PPHLN1: variants seen among roughly 807,000 people sequenced by gnomAD.
The protein encoded by PPHLN1 is periphilin 1.
In PPHLN1, 29 loss-of-function variants were observed where a neutral mutation model predicts 51.3. The observed-to-expected ratio is 0.57, with a 90% CI of 0.42 to 0.77. The LOEUF is 0.77. Among genes scored for constraint, PPHLN1 ranks in the 30% least tolerant of loss-of-function variants. The pLI, the probability that PPHLN1 is intolerant of heterozygous loss-of-function variation, is 0.00. For missense variants in PPHLN1, 436 were observed against 438.4 expected, an observed-to-expected ratio of 0.99 and a Z score of 0.05; for synonymous variants, 147 against 147.8, an observed-to-expected ratio of 0.99 and a Z score of 0.04.
At chr12:42,416,014 A>G (rs2080348664) in intron 9 of PPHLN1, among the ~76,000 whole-genome samples, 1 of 152,232 alleles carries the variant, frequency 6.6e-6, no homozygotes, top group African/African-American at 2.4e-5. Flanking sequence ...AAATTCAGGT[A>G]GGATTCTCAT....
At chr12:42,334,748 G>A (rs1349686430) in intron 1 of PPHLN1, among the ~76,000 whole-genome samples, 1 of 152,148 alleles carries the variant, frequency 6.6e-6, no homozygotes, top group Non-Finnish European at 1.5e-5. Flanking sequence ...CATCAGGATG[G>A]TTCACAGTTC....
At chr12:42,443,537 T>C (rs1313435206), downstream of PPHLN1, 1 of 152,166 alleles carries the variant, frequency 6.6e-6, no homozygotes, top group African/African-American at 2.4e-5. Flanking sequence ...ATTTGATGAA[T>C]TATATAAACA....
intron 1 of PPHLN1, among the ~76,000 whole-genome samples, chr12:42,334,759 T>G (rs2070334391): frequency 6.6e-6 from 1 of 152,252 alleles, no homozygotes; most frequent in African/African-American, 2.4e-5. Context: ...TTCACAGTTC[T>G]TGGCTTAGAA....
downstream of PPHLN1, chr12:42,442,543 C>T: frequency 6.6e-7 from 1 of 1,521,004 alleles, no homozygotes; most frequent in Non-Finnish European, 8.9e-7. Context: ...ATCAGGACTG[C>T]ACTCTCTTTT....
At chr12:42,383,768 T>C (rs1215134386) in intron 5 of PPHLN1, among the ~76,000 whole-genome samples, 1 of 151,692 alleles carries the variant, frequency 6.6e-6, no homozygotes, top group Non-Finnish European at 1.5e-5. Context: ...ATCACGAGGT[T>C]AGGAGTTCAA....
chr12:42,340,951 G>A (rs189169472), intron 2 of PPHLN1, among the ~76,000 whole-genome samples: 1 of 150,862 alleles, frequency 6.6e-6, no homozygotes, highest in African/African-American at 2.4e-5. Context: ...CAATTTTACA[G>A]AATTTCTCTC....
chr12:42,360,115 A>AAAAAAAAAAAAAAAAAAAAAAAAAAAG (rs2074470421), intron 4 of PPHLN1, among the ~76,000 whole-genome samples: 1 of 151,268 alleles, frequency 6.6e-6, no homozygotes, highest in African/African-American at 2.4e-5. Flanking sequence ...CATCTCAAAA[A>AAAAAAAAAAAAAAAAAAAAAAAAAAAG]AAAAAAAAGA....
At chr12:42,332,736 T>A (rs1340787421) in intron 1 of PPHLN1, 5 of 1,289,100 alleles carry the variant, frequency 3.9e-6, no homozygotes, top group Non-Finnish European at 5.4e-6. Flanking sequence ...AATATAGTAG[T>A]TATTGTTACA....
chr12:42,396,321 G>C (rs2078191151), intron 8 of PPHLN1, among the ~76,000 whole-genome samples: 1 of 151,912 alleles, frequency 6.6e-6, no homozygotes, highest in African/African-American at 2.4e-5. Context: ...TACTGTACTA[G>C]TTTTCTTATA....
chr12:42,349,349 A>T (rs2072848761), intron 2 of PPHLN1, among the ~76,000 whole-genome samples: 1 of 152,136 alleles, frequency 6.6e-6, no homozygotes, highest in South Asian at 2.1e-4. Flanking sequence ...AGGCTCAGGG[A>T]TGATAGATAA....
At chr12:42,425,817 A>C (rs572079906) in intron 9 of PPHLN1, among the ~76,000 whole-genome samples, 1 of 152,348 alleles carries the variant, frequency 6.6e-6, no homozygotes, top group Admixed American at 6.5e-5. Context: ...GTGTCCTTCT[A>C]GGTCCTGTGT....
At chr12:42,444,356 C>A (rs2083178238), downstream of PPHLN1, 1 of 149,910 alleles carries the variant, frequency 6.7e-6, no homozygotes, top group African/African-American at 2.5e-5. Context: ...GCAGTATAGC[C>A]CTAGACTCTC....
At chr12:42,414,766 A>C (rs879739786) in intron 9 of PPHLN1, among the ~76,000 whole-genome samples, 5 of 152,036 alleles carry the variant, frequency 3.3e-5, no homozygotes, top group Non-Finnish European at 7.4e-5. Flanking sequence ...AATGCCCTTT[A>C]TTTCTTTCGC....
At chr12:42,380,395 A>G (rs1401062190) in intron 5 of PPHLN1, among the ~76,000 whole-genome samples, 1 of 152,080 alleles carries the variant, frequency 6.6e-6, no homozygotes, top group Non-Finnish European at 1.5e-5. Flanking sequence ...AGAATAGAAG[A>G]TATTTTTTAA....
At chr12:42,386,711 T>A (rs1260740994) in intron 6 of PPHLN1, among the ~76,000 whole-genome samples, 1 of 152,226 alleles carries the variant, frequency 6.6e-6, no homozygotes, top group East Asian at 1.9e-4. Context: ...CTGTAACAGC[T>A]CACTGTTATT....
At chr12:42,352,076 T>C (rs2073434137) in intron 3 of PPHLN1, 27 bp downstream of exon 3, 1 of 1,394,382 alleles carries the variant, frequency 7.2e-7, no homozygotes, top group Non-Finnish European at 9.4e-7. Context: ...CATGTACTAA[T>C]TGTTATTTCT....
chr12:42,432,863 C>G (rs2082156684), intron 9 of PPHLN1, among the ~76,000 whole-genome samples: 1 of 152,234 alleles, frequency 6.6e-6, no homozygotes, highest in Admixed American at 6.5e-5. Flanking sequence ...ACAAATACTT[C>G]ACAAACGCAT....
chr12:42,377,757 A>G (rs1490727796), intron 5 of PPHLN1, among the ~76,000 whole-genome samples: 1 of 151,842 alleles, frequency 6.6e-6, no homozygotes, highest in African/African-American at 2.4e-5. Context: ...GAAAGCTTGT[A>G]ATGAAGTTAT....
chr12:42,434,359 T>C (rs2082300423), intron 9 of PPHLN1, among the ~76,000 whole-genome samples: 4 of 152,146 alleles, frequency 2.6e-5, no homozygotes, highest in Admixed American at 2.6e-4. Flanking sequence ...AGTGATGGGA[T>C]GATCATAAAA....
Sources: allele counts gnomAD v4.1 joint callset (sites outside exome capture counted in the v4.1 genomes callset), GRCh38; gene constraint gnomAD v4.1.1; transcripts MANE v1.5; gene names NCBI Gene and HGNC (gene_info 2026-07-23, HGNC 2026-07-21).